The following PDHX variants were observed in gnomAD, a reference collection of about 807,000 sequenced individuals.
The protein encoded by PDHX is pyruvate dehydrogenase complex component X, also known as pyruvate dehydrogenase protein X component, mitochondrial.
Under a neutral mutation model 55.3 loss-of-function variants are expected in PDHX, and 33 were observed. The observed-to-expected ratio is 0.60, with a 90% CI of 0.45 to 0.80. PDHX has a LOEUF of 0.80. PDHX is among the 30% of genes least tolerant of loss of function. The pLI, the probability that PDHX is intolerant of heterozygous loss-of-function variation, is 0.00. For synonymous variants in PDHX, 226 were observed against 219.4 expected (o/e 1.03, Z -0.27); for missense variants, 622 against 619.9 (o/e 1.00, Z -0.04).
At chr11:34,928,927 A>T (rs1352416475) in intron 1 of PDHX, among the ~76,000 whole-genome samples, 1 of 152,212 alleles carries the variant, frequency 6.6e-6, no homozygotes, top group Non-Finnish European at 1.5e-5. Flanking sequence ...TTTAATCACA[A>T]GGACTTATTT....
chr11:34,952,905 C>T (rs1218019414), intron 3 of PDHX, among the ~76,000 whole-genome samples: 3 of 151,360 alleles, frequency 2.0e-5, no homozygotes, highest in African/African-American at 7.3e-5. Context: ...CAAATTGTCC[C>T]TGTTTGCAGC....
intron 7 of PDHX, 99 bp from the exon 8 acceptor site, chr11:34,978,025 T>G (rs946380656): frequency 1.1e-5 from 8 of 727,750 alleles, no homozygotes; most frequent in African/African-American, 1.8e-5. Context: ...TTATCATTGT[T>G]TGTCAGTACA....
upstream of PDHX, chr11:34,916,516 G>A: frequency 6.9e-7 from 1 of 1,458,324 alleles, no homozygotes; most frequent in Non-Finnish European, 9.0e-7. Flanking sequence ...AGGCGGGGCT[G>A]GGTTGGGGGG....
At chr11:34,945,244 T>C (rs952981929) in intron 2 of PDHX, among the ~76,000 whole-genome samples, 1 of 152,174 alleles carries the variant, frequency 6.6e-6, no homozygotes, top group African/African-American at 2.4e-5. Flanking sequence ...ATCTTATTAT[T>C]TTTTAGAGTT....
At chr11:34,930,945 T>G (rs551118149) in intron 1 of PDHX, among the ~76,000 whole-genome samples, 44 of 152,238 alleles carry the variant, frequency 2.9e-4, no homozygotes, top group Non-Finnish European at 5.3e-4. Context: ...AGTCTGATCT[T>G]GATTATTCTG....
intron 1 of PDHX, among the ~76,000 whole-genome samples, chr11:34,926,953 G>T (rs1010332465): frequency 6.6e-6 from 1 of 152,000 alleles, no homozygotes; most frequent in Non-Finnish European, 1.5e-5. Flanking sequence ...AGCAGAAATG[G>T]CAGGGAAAAC....
chr11:34,962,938 C>G (rs1370040343), intron 5 of PDHX, among the ~76,000 whole-genome samples: 1 of 152,036 alleles, frequency 6.6e-6, no homozygotes, highest in African/African-American at 2.4e-5. Context: ...AAGAGTTAGG[C>G]TTTTAGTATT....
chr11:34,987,865 G>A (rs1855682915), intron 9 of PDHX, among the ~76,000 whole-genome samples: 1 of 152,052 alleles, frequency 6.6e-6, no homozygotes, highest in African/African-American at 2.4e-5. Flanking sequence ...GAGTGTCCAC[G>A]TATAGTAGTG....
chr11:34,963,711 C>T (rs1390873456), intron 5 of PDHX, among the ~76,000 whole-genome samples: 2 of 152,170 alleles, frequency 1.3e-5, no homozygotes, highest in Admixed American at 1.3e-4. Flanking sequence ...TCTTGGGTAT[C>T]AGGGCTGCTA....
chr11:34,934,042 C>G (rs571269710), intron 2 of PDHX, among the ~76,000 whole-genome samples: 1 of 152,020 alleles, frequency 6.6e-6, no homozygotes, highest in Admixed American at 6.6e-5. Context: ...CTATATGAAC[C>G]GTAGCTCTGA....
intron 1 of PDHX, among the ~76,000 whole-genome samples, chr11:34,921,976 A>G (rs370716213): frequency 6.6e-6 from 1 of 152,222 alleles, no homozygotes; most frequent in African/African-American, 2.4e-5. Context: ...AGGTTTTAGC[A>G]TTTTACCCAA....
At chr11:34,990,740 TA>T (rs1855738494) in intron 9 of PDHX, among the ~76,000 whole-genome samples, 1 of 152,248 alleles carries the variant, frequency 6.6e-6, no homozygotes, top group Non-Finnish European at 1.5e-5. Context: ...AATAGTTTTA[TA>T]AATAACCACA....
intron 1 of PDHX, among the ~76,000 whole-genome samples, chr11:34,930,616 A>T (rs1326479281): frequency 6.6e-6 from 1 of 152,172 alleles, no homozygotes; most frequent in Admixed American, 6.5e-5. Flanking sequence ...GTAAATTGTA[A>T]TCTAAAAGCC....
intron 1 of PDHX, among the ~76,000 whole-genome samples, chr11:34,917,517 T>C (rs1483552484): frequency 6.6e-6 from 1 of 152,194 alleles, no homozygotes; most frequent in African/African-American, 2.4e-5. Flanking sequence ...GGTATTATTT[T>C]TCCTTATTTT....
intron 3 of PDHX, among the ~76,000 whole-genome samples, chr11:34,950,448 A>ATG (rs1854730716): frequency 6.6e-6 from 1 of 150,576 alleles, no homozygotes; most frequent in South Asian, 2.1e-4. Flanking sequence ...ATATGTATAC[A>ATG]TGTGCCATGC....
intron 2 of PDHX, among the ~76,000 whole-genome samples, chr11:34,935,356 C>G (rs1854284166): frequency 6.6e-6 from 1 of 151,936 alleles, no homozygotes; most frequent in African/African-American, 2.4e-5. Flanking sequence ...ATTTTAAGTA[C>G]CTAATATGGT....
At chr11:34,927,118 A>G (rs954897687) in intron 1 of PDHX, among the ~76,000 whole-genome samples, 4 of 152,118 alleles carry the variant, frequency 2.6e-5, no homozygotes, top group Non-Finnish European at 4.4e-5. Flanking sequence ...TCATTTAAAA[A>G]TTTTTAAAAA....
chr11:34,959,462 CATGGATAATTTGGAA>C (rs1344484480), intron 4 of PDHX, among the ~76,000 whole-genome samples: 1 of 151,946 alleles, frequency 6.6e-6, no homozygotes, highest in African/African-American at 2.4e-5. Flanking sequence ...TTGGCAAGGA[CATGGATAATTTGGAA>C]CCCTTGTTGT....
chr11:34,938,600 C>T (rs1317489657), intron 2 of PDHX, among the ~76,000 whole-genome samples: 1 of 152,156 alleles, frequency 6.6e-6, no homozygotes, highest in Non-Finnish European at 1.5e-5. Flanking sequence ...AGACACAGAA[C>T]AGTCTTTTAG....
Sources: gnomAD v4.1 joint callset for allele counts (sites outside exome capture counted in the v4.1 genomes callset) on GRCh38, gnomAD v4.1.1 for gene constraint, MANE v1.5 for transcripts, NCBI Gene and HGNC (gene_info 2026-07-23, HGNC 2026-07-21) for gene names.